VRK3: variants seen among roughly 807,000 people sequenced by gnomAD.
The protein encoded by VRK3 is serine/threonine-protein kinase VRK3.
Under a neutral mutation model 60.4 loss-of-function variants are expected in VRK3, and 50 were observed. The ratio of observed to expected loss-of-function variants is 0.83; its 90% CI spans 0.66 to 1.05. The LOEUF is 1.05. Among genes scored for constraint, VRK3 ranks in the 50% least tolerant of loss-of-function variants. The pLI is 0.00. For missense variants in VRK3, 549 were observed against 585.3 expected, an observed-to-expected ratio of 0.94 and a Z score of 0.64; for synonymous variants, 246 against 227.8, an observed-to-expected ratio of 1.08 and a Z score of -0.72.
intron 3 of VRK3, among the ~76,000 whole-genome samples, chr19:50,009,952 A>G (rs1173850965): frequency 6.6e-6 from 1 of 151,876 alleles, no homozygotes; most frequent in African/African-American, 2.4e-5. Context: ...CTTCCATGTA[A>G]TTTCTTAAAA....
intron 3 of VRK3, 146 bp downstream of exon 3, chr19:50,015,878 G>T: frequency 9.6e-7 from 1 of 1,041,606 alleles, no homozygotes; most frequent in Non-Finnish European, 1.4e-6. Flanking sequence ...ACTGATGGTA[G>T]ACAGAGGGGT....
chr19:49,998,990 G>T (rs2076753082), intron 6 of VRK3: 1 of 148,506 alleles, frequency 6.7e-6, no homozygotes. Context: ...GGACGTGGTG[G>T]TGCATGCCTG....
rs760584151 is a variant in VRK3 at position 49,997,556 on chromosome 19, CCCATCCTTG to C, written c.618_626del (p.Lys207_Gly209del). The stretch of plus-strand genomic sequence containing the variant: ...AGAAGTTCTGCTCATTGAACAAGCG[CCCATCCTTG>C]GCATCCTGGTGGGGGACAGGAGGGG... On this transcript the variant is annotated inframe_deletion, in exon 7 of 15. Transcript: ENST00000316763. The C allele has an allele frequency of 6.2e-7, 1 of 1,613,876 alleles. No individual in the cohort carries two copies. Among genetic ancestry groups the C allele is most frequent in the East Asian group, 2.2e-5 (1 of 44,858 alleles).
chr19:50,003,128 C>T (rs145335957), intron 5 of VRK3, among the ~76,000 whole-genome samples: 79 of 152,258 alleles, frequency 5.2e-4, no homozygotes, highest in African/African-American at 1.6e-3. Context: ...AAGCGACAAG[C>T]GGCAAGCAGA....
chr19:49,997,580 G>T lies in VRK3; in HGVS notation c.613-10C>A, dbSNP rs370558123. 19 of 1,613,684 alleles carry T rather than the reference G, an allele frequency of 1.2e-5. No homozygotes were observed. The African/African-American group carries it at 2.5e-4, about 22-fold the overall frequency. On this transcript the variant is annotated splice_polypyrimidine_tract_variant and intron_variant, in intron 6 of 14. Transcript: ENST00000316763. ...GCCCATCCTTGGCATCCTGGTGGGG[G>T]ACAGGAGGGGCAGAAGGCTGTCACA...
chr19:49,997,910 G>A (rs753811204), intron 6 of VRK3: 10 of 186,906 alleles, frequency 5.4e-5, no homozygotes, highest in Non-Finnish European at 1.1e-4. Flanking sequence ...AGAAATGTGG[G>A]CAACTTCCAG....
intron 12 of VRK3, among the ~76,000 whole-genome samples, chr19:49,987,186 T>A (rs557327347): frequency 6.6e-6 from 1 of 152,332 alleles, no homozygotes; most frequent in East Asian, 1.9e-4. Flanking sequence ...GCAACTGATA[T>A]TCATGTCTGA....
intron 5 of VRK3, chr19:50,001,267 C>T (rs1426884522): frequency 5.7e-6 from 1 of 176,334 alleles, no homozygotes; most frequent in Non-Finnish European, 1.2e-5. Context: ...CACATGACTA[C>T]TCCCCAATAA....
At chr19:49,977,398 C>T (rs1473683752) in intron 14 of VRK3, among the ~76,000 whole-genome samples, 5 of 151,968 alleles carry the variant, frequency 3.3e-5, no homozygotes, top group African/African-American at 7.3e-5. Flanking sequence ...CCAGGGAGCG[C>T]GTGGGTGTGA....
intron 10 of VRK3, 54 bp from the exon 11 acceptor site, chr19:49,989,825 G>C (rs1177713027): frequency 6.6e-7 from 1 of 1,521,082 alleles, no homozygotes; most frequent in Non-Finnish European, 8.9e-7. Context: ...GTAGAAGTCA[G>C]AGATTTCCAT....
Position 49,980,946 on chromosome 19 carries a change from A to AG in VRK3, c.1276+8dup. 6.2e-7 allele frequency: 1 copy of AG among 1,607,828 alleles called. No individual in the cohort carries two copies. Among genetic ancestry groups the AG allele is most frequent in the Non-Finnish European group, 8.5e-7 (1 of 1,177,128 alleles). ...GTCCCCGCCTGTTCCCGCTCCCTTC[A>AG]GGACGTACCTGAGGGCCTGATCCAG... On this transcript the variant is annotated intron_variant, in intron 13 of 14. Transcript: ENST00000316763.
intron 3 of VRK3, among the ~76,000 whole-genome samples, chr19:50,015,394 C>T (rs1174294885): frequency 1.3e-5 from 2 of 152,074 alleles, no homozygotes; most frequent in East Asian, 3.9e-4. Flanking sequence ...CTGCGACCTC[C>T]GCCTCCTGGG....
chr19:49,980,827 C>G, intron 13 of VRK3, 128 bp downstream of exon 13: 1 of 737,404 alleles, frequency 1.4e-6, no homozygotes, highest in Non-Finnish European at 2.2e-6. Flanking sequence ...ACAATGGGTA[C>G]GTATTACAAA....
intron 1 of VRK3, among the ~76,000 whole-genome samples, chr19:50,024,505 T>G (rs1442701439): frequency 6.6e-6 from 1 of 152,204 alleles, no homozygotes; most frequent in African/African-American, 2.4e-5. Flanking sequence ...GACCTGTAAA[T>G]ATTCTTTAAC....
In VRK3 at chr19:50,013,355, C is replaced by A. The variant is rs975371784; in HGVS notation, c.139+2669G>T. Among the ~76,000 whole-genome samples the A allele has an allele frequency of 3.3e-5, 5 of 152,162 alleles. 1 individual carries two copies. The highest frequency in any genetic ancestry group is 6.5e-5 in the Admixed American group (1 of 15,268). ...ACAGAGGAGCCTGGGTCCCTTAGGG[C>A]ATCATGGGGACACCATCCCAATACG... On this transcript the variant is annotated intron_variant, in intron 3 of 14. Coordinates refer to ENST00000316763, the MANE Select transcript of VRK3 (RefSeq NM_016440.4).
chr19:49,990,255 T>C (rs1467212313), intron 10 of VRK3, among the ~76,000 whole-genome samples: 1 of 152,242 alleles, frequency 6.6e-6, no homozygotes, highest in Non-Finnish European at 1.5e-5. Context: ...CTGCTATGAT[T>C]TCTCCATTTG....
chr19:50,007,708 G>A lies in VRK3; in HGVS notation c.408C>T (p.Ser136=). 1 of 1,614,138 alleles carries A rather than the reference G, an allele frequency of 6.2e-7. No homozygotes were observed. The highest frequency in any genetic ancestry group is 8.5e-7 in the Non-Finnish European group (1 of 1,180,026). The stretch of plus-strand genomic sequence containing the variant: ...CTCGGCTCCGCTTCAGCGTCTGAGG[G>A]CTCTGCCTGGTCTTCTGAGGGCTAC... ...TSCSPQKTRQ[S]PQTLKRSRVT... Residue 136 remains serine (S), a synonymous_variant, in exon 5 of 15, where the codon AGC becomes AGT. Transcript: ENST00000316763.
intron 3 of VRK3, among the ~76,000 whole-genome samples, chr19:50,011,408 CACTG>C (rs1392013028): frequency 6.6e-6 from 1 of 152,202 alleles, no homozygotes; most frequent in Admixed American, 6.5e-5. Context: ...TTTTAGTTGA[CACTG>C]ACTAACTCAG....
Position 49,997,522 on chromosome 19 carries a change from C to A in VRK3, c.661G>T (p.Ala221Ser). The A allele has an allele frequency of 6.2e-7, 1 of 1,613,960 alleles. No individual in the cohort carries two copies. The highest frequency in any genetic ancestry group is 8.5e-7 in the Non-Finnish European group (1 of 1,179,918). The change falls in exon 7 of 15, where the codon GCC becomes TCC. Residue 221 changes from alanine (A) to serine (S), a missense_variant. Transcript: ENST00000316763. ...CAGGTACCTTGCAGAGGCTTGGCGG[C>A]CCGCTGGAAGAAGTTCTGCTCATTG... is the stretch of plus-strand genomic sequence containing the variant. ...LFNEQNFFQR[A>S]AKPLQVNKWK...
Sources: allele counts gnomAD v4.1 joint callset (sites outside exome capture counted in the v4.1 genomes callset), GRCh38; gene constraint gnomAD v4.1.1; transcripts MANE v1.5; gene names NCBI Gene and HGNC (gene_info 2026-07-23, HGNC 2026-07-21).